Variants in GLO1 observed in about 807,000 individuals in gnomAD.
GLO1 encodes glyoxalase I, also known as lactoylglutathione lyase.
In GLO1, 28 loss-of-function variants were observed where a neutral mutation model predicts 26.0. That is an observed-to-expected ratio of 1.08 (90% CI 0.80 to 1.48). GLO1 has a LOEUF of 1.48. GLO1 is among the 40% of genes most tolerant of loss of function. The pLI is 0.00. For missense variants in GLO1, 225 were observed against 224.8 expected (o/e 1.00, Z -0.01); for synonymous variants, 78 against 77.6 (o/e 1.00, Z -0.03).
intron 2 of GLO1, among the ~76,000 whole-genome samples, chr6:38,685,602 C>T (rs1283287136): frequency 6.6e-6 from 1 of 152,140 alleles, no homozygotes; most frequent in South Asian, 2.1e-4. Context: ...CCACTTAGAT[C>T]CTTGCATTGA....
chr6:38,689,501 A>AT (rs1339470913), intron 1 of GLO1, among the ~76,000 whole-genome samples: 1 of 152,220 alleles, frequency 6.6e-6, no homozygotes, highest in African/African-American at 2.4e-5. Context: ...TCAAATCCAT[A>AT]TATCTTAGGC....
At chr6:38,687,127 G>T in intron 1 of GLO1, 153 bp from the exon 2 acceptor site, 2 of 983,522 alleles carry the variant, frequency 2.0e-6, no homozygotes, top group Non-Finnish European at 2.4e-6. Context: ...CTGGTTGCAG[G>T]CCCCTGTGTG....
Position 38,686,880 on chromosome 6 carries a change from T to C in GLO1, c.167+12A>G. ...ATTTAAACATTAAGGTGCCAATAAG[T>C]ACTTGACTTACGTCATTCCAAGAAC... On this transcript the variant is annotated intron_variant, in intron 2 of 5. Coordinates refer to ENST00000373365, the MANE Select transcript of GLO1 (RefSeq NM_006708.3). 3 of 1,397,142 alleles carry C rather than the reference T, an allele frequency of 2.1e-6. No homozygotes were observed. The highest frequency in any genetic ancestry group is 3.1e-6 in the Non-Finnish European group (3 of 983,526). The allele number at this position is 1,397,142 out of a possible 1,614,324, so 86.5% of individuals were successfully genotyped here. A position where few individuals can be genotyped will look rare whatever the true frequency, so the allele number is the denominator to read the frequency against.
At chr6:38,682,350 C>T (rs1761394272) in intron 4 of GLO1, among the ~76,000 whole-genome samples, 2 of 152,130 alleles carry the variant, frequency 1.3e-5, no homozygotes, top group South Asian at 4.1e-4. Context: ...AGCTCATATA[C>T]AGTCTAATCA....
At chr6:38,697,394 A>T (rs1761628424) in intron 1 of GLO1, among the ~76,000 whole-genome samples, 1 of 152,218 alleles carries the variant, frequency 6.6e-6, no homozygotes, top group African/African-American at 2.4e-5. Flanking sequence ...CAGATCAGGT[A>T]CAGGGAGAAG....
intron 2 of GLO1, among the ~76,000 whole-genome samples, chr6:38,684,939 C>G (rs577912361): frequency 6.6e-6 from 1 of 152,018 alleles, no homozygotes; most frequent in Non-Finnish European, 1.5e-5. Context: ...TCTTACTATG[C>G]CAAAACATCT....
intron 5 of GLO1, among the ~76,000 whole-genome samples, chr6:38,681,008 C>T (rs1178626057): frequency 6.6e-6 from 1 of 152,150 alleles, no homozygotes; most frequent in Non-Finnish European, 1.5e-5. Context: ...AATAGTGACA[C>T]AATGAGGACA....
chr6:38,683,707 GA>G (rs1422782232), intron 3 of GLO1, among the ~76,000 whole-genome samples: 1 of 152,062 alleles, frequency 6.6e-6, no homozygotes, highest in Non-Finnish European at 1.5e-5. Flanking sequence ...CTAACATGGT[GA>G]AACCCCGTCT....
chr6:38,686,520 G>C (rs1376469767), intron 2 of GLO1, among the ~76,000 whole-genome samples: 3 of 152,338 alleles, frequency 2.0e-5, no homozygotes, highest in Admixed American at 2.0e-4. Context: ...TCAGTTTTAA[G>C]TAAACCCATT....
At chr6:38,698,020 G>A (rs943862664) in intron 1 of GLO1, among the ~76,000 whole-genome samples, 5 of 152,142 alleles carry the variant, frequency 3.3e-5, no homozygotes, top group Non-Finnish European at 7.4e-5. Context: ...ATATGTAGCT[G>A]CATACTTCTC....
chr6:38,695,340 T>C (rs1761593844), intron 1 of GLO1, among the ~76,000 whole-genome samples: 1 of 152,102 alleles, frequency 6.6e-6, no homozygotes, highest in South Asian at 2.1e-4. Flanking sequence ...TACACATATA[T>C]ACAGACATAC....
At position 38,686,876 on chromosome 6, in the gene GLO1, TAAGTACTTGA is replaced by T; in HGVS notation, c.167+6_167+15del. On this transcript the variant is annotated splice_donor_region_variant and intron_variant, in intron 2 of 5. Transcript: ENST00000373365. ...ATATATTTAAACATTAAGGTGCCAA[TAAGTACTTGA>T]CTTACGTCATTCCAAGAACTCTAGT... The T allele has an allele frequency of 8.9e-6, 12 of 1,346,866 alleles. No individual in the cohort carries two copies. The highest frequency in any genetic ancestry group is 1.2e-5 in the Non-Finnish European group (11 of 941,298). The allele number at this position is 1,346,866 out of a possible 1,614,324, so 83.4% of individuals were successfully genotyped here.
At chr6:38,702,874 C>G (rs1261260861) in intron 1 of GLO1, 97 bp downstream of exon 1, 1 of 696,258 alleles carries the variant, frequency 1.4e-6, no homozygotes, top group South Asian at 1.6e-5. Flanking sequence ...CCGAGGCCGG[C>G]GGACCTGCAG....
rs1425053137 is a variant in GLO1, at chr6:38,676,876, C to G, written c.*419G>C. ...ACTTTACTGAAAGAACACTAGTGTT[C>G]TTTCCTTTCCGTTGTGAAAAAAGTT... On this transcript the variant is annotated 3_prime_UTR_variant, in exon 6 of 6. Coordinates refer to ENST00000373365, the MANE Select transcript of GLO1 (RefSeq NM_006708.3). The G allele has an allele frequency of 3.0e-5, 5 of 165,062 alleles. No homozygotes were observed. In the East Asian group the frequency reaches 9.2e-4, roughly 30 times the overall value. The allele number at this position is 165,062 out of a possible 1,614,324, so 10.2% of individuals were successfully genotyped here.
At chr6:38,696,428 A>C (rs944859039) in intron 1 of GLO1, among the ~76,000 whole-genome samples, 2 of 152,234 alleles carry the variant, frequency 1.3e-5, no homozygotes, top group Admixed American at 1.3e-4. Context: ...TATAAACAAC[A>C]GACATTTATT....
intron 1 of GLO1, among the ~76,000 whole-genome samples, chr6:38,696,981 C>T (rs1371147376): frequency 3.3e-5 from 5 of 151,082 alleles, no homozygotes; most frequent in East Asian, 1.9e-4. Flanking sequence ...TGCAATGGCA[C>T]GATCTCGGCT....
At chr6:38,696,919 T>C (rs1237431631) in intron 1 of GLO1, among the ~76,000 whole-genome samples, 2 of 148,808 alleles carry the variant, frequency 1.3e-5, no homozygotes, top group African/African-American at 5.1e-5. Context: ...AAAGCCTTCT[T>C]CTTTTTTTTT....
chr6:38,683,689 C>T lies in GLO1; in HGVS notation c.308+685G>A, dbSNP rs762388716. 7.2e-4 allele frequency among the ~76,000 whole-genome samples: 109 copies of T among 151,958 alleles called. 1 individual carries two copies. The highest frequency in any genetic ancestry group is 1.4e-3 in the Non-Finnish European group (96 of 67,986). ...GATCACGAGGTCAGGAGATCGAGAC[C>T]ATCCTGGCTAACATGGTGAAACCCC... is the stretch of plus-strand genomic sequence containing the variant. On this transcript the variant is annotated intron_variant, in intron 3 of 5. Transcript: ENST00000373365.
chr6:38,688,926 G>C (rs1483348717), intron 1 of GLO1, among the ~76,000 whole-genome samples: 2 of 152,224 alleles, frequency 1.3e-5, no homozygotes, highest in Non-Finnish European at 2.9e-5. Context: ...GAGAGAGAGA[G>C]AGCGAGCGTG....
Sources: gnomAD v4.1 joint callset for allele counts (sites outside exome capture counted in the v4.1 genomes callset) on GRCh38, gnomAD v4.1.1 for gene constraint, MANE v1.5 for transcripts, NCBI Gene and HGNC (gene_info 2026-07-23, HGNC 2026-07-21) for gene names.